Variants in DCST2 observed in about 807,000 individuals in gnomAD.
DCST2 encodes the protein DC-STAMP domain-containing protein 2.
DCST2 carries 64 observed loss-of-function variants against 81.8 expected under a neutral mutation model. That is an observed-to-expected ratio of 0.78 (90% CI 0.64 to 0.96). The LOEUF is 0.96. Among genes scored for constraint, DCST2 ranks in the 40% least tolerant of loss-of-function variants. The pLI is 0.00. For synonymous variants in DCST2, 354 were observed against 402.6 expected (o/e 0.88, Z 1.44); for missense variants, 945 against 1,001.4 (o/e 0.94, Z 0.76).
At chr1:155,029,526 AAAG>A (rs1660007969) in intron 7 of DCST2, 129 bp from the exon 8 acceptor site, 2 of 929,574 alleles carry the variant, frequency 2.2e-6, no homozygotes, top group Non-Finnish European at 3.2e-6. Context: ...ACGGAAAAGA[AAAG>A]AAGCTGTGAG....
intron 11 of DCST2, 128 bp from the exon 12 acceptor site, chr1:155,024,087 T>C (rs919710345): frequency 1.3e-5 from 18 of 1,338,524 alleles, no homozygotes; most frequent in Middle Eastern, 2.7e-4. Context: ...ATCCCTCTGA[T>C]TTCAGCAGCA....
At position 155,031,205 on chromosome 1, in the gene DCST2, AC is replaced by A. The variant is rs766280160; in HGVS notation, c.768del (p.Lys256AsnfsTer15). The A allele has an allele frequency of 3.1e-6, 5 of 1,590,458 alleles. No homozygotes were observed. The African/African-American group carries it at 6.8e-5, about 22-fold the overall frequency. On this transcript the variant is annotated frameshift_variant, in exon 5 of 15. Transcript: ENST00000368424. LOFTEE classifies it high-confidence loss of function. ...GTCTGGCGCAAGAAGGGTTGAATGT[AC>A]TTAGGGATGACGCAGAACACCTGGA... ...SLVQVFCVIP[K>X]YIQPFLRQTI...
chr1:155,024,808 T>C (rs1012732625), intron 10 of DCST2, among the ~76,000 whole-genome samples: 2 of 152,222 alleles, frequency 1.3e-5, no homozygotes, highest in Non-Finnish European at 2.9e-5. Context: ...CATAACACTT[T>C]TATTCATTCC....
chr1:155,030,416 C>T lies in DCST2; in HGVS notation c.1019+16G>A. The T allele has an allele frequency of 8.1e-6, 13 of 1,611,700 alleles. No homozygotes were observed. Among genetic ancestry groups the T allele is most frequent in the Non-Finnish European group, 1.1e-5 (13 of 1,179,034 alleles). ...CCCCGGCCCTGCATCCCCCACGCTG[C>T]CCGGCAGCCCCTCACTGGAGGTAGA... On this transcript the variant is annotated intron_variant, in intron 6 of 14. Coordinates refer to ENST00000368424, the MANE Select transcript of DCST2 (RefSeq NM_144622.3).
rs749917529 is a variant in DCST2, at chr1:155,030,086, G to T, written c.1175C>A (p.Pro392Gln). ...CTCCCTGTCCTCAGGGCCCTCACCCGGTGGGATGTAGCGCCTGGCCTCGTG... is the reference window on the plus strand; with the variant it reads ...CTCCCTGTCCTCAGGGCCCTCACCCTGTGGGATGTAGCGCCTGGCCTCGTG... ...SAHEARRYIP[P>Q]GSIFLSQWEK... The change falls in exon 7 of 15, where the codon CCG (proline) becomes CAG (glutamine). Residue 392 changes from proline to glutamine, a missense_variant and splice_region_variant. Pro to Gln is a moderately conservative substitution (Grantham distance 76, BLOSUM62 -1). Coordinates refer to ENST00000368424, the MANE Select transcript of DCST2 (RefSeq NM_144622.3). The T allele has an allele frequency of 1.8e-5, 29 of 1,613,094 alleles. No individual in the cohort carries two copies. The highest frequency in any genetic ancestry group is 2.3e-5 in the Non-Finnish European group (27 of 1,179,958).
Position 155,023,154 on chromosome 1 carries a change from C to A in DCST2, c.2068G>T (p.Gly690Cys), listed in dbSNP as rs370249543. The change falls in exon 14 of 15, where the codon GGC becomes TGC. Residue 690 changes from glycine (G) to cysteine (C), a missense_variant. Coordinates refer to ENST00000368424, the MANE Select transcript of DCST2 (RefSeq NM_144622.3). ...LLQQQLQEVL[G>C]RSLSMESTSE... ...GTGGACTCCATTGAGAGGCTCCTGC[C>A]GAGCACTTCTTGGAGCTGTTGCTGC... The A allele has an allele frequency of 6.2e-7, 1 of 1,613,848 alleles. No individual in the cohort carries two copies. Among genetic ancestry groups the A allele is most frequent in the Non-Finnish European group, 8.5e-7 (1 of 1,180,036 alleles).
intron 5 of DCST2, 26 bp downstream of exon 5, chr1:155,031,143 A>G (rs772164734): frequency 3.2e-5 from 50 of 1,582,556 alleles, no homozygotes; most frequent in Non-Finnish European, 4.0e-5. Flanking sequence ...AGGGAGCACC[A>G]TATGTGGCAG....
chr1:155,023,930 T>G lies in DCST2; in HGVS notation c.1772A>C (p.His591Pro), dbSNP rs1020967525. ...GCAGTAGGCCTGATGCAGCCAAAAGTGGCTGACAAATGGACCTAGGCAGGG... is the reference window on the plus strand; with the variant it reads ...GCAGTAGGCCTGATGCAGCCAAAAGGGGCTGACAAATGGACCTAGGCAGGG... ...RCPCLGPFVSHFWLHQAYCLG... is the reference protein window; with the variant it reads ...RCPCLGPFVSPFWLHQAYCLG... The change falls in exon 12 of 15, where the codon CAC (histidine) becomes CCC (proline). Residue 591 changes from histidine to proline, a missense_variant. Transcript: ENST00000368424. 4 of 1,613,324 alleles carry G rather than the reference T, an allele frequency of 2.5e-6. No homozygotes were observed. The highest frequency in any genetic ancestry group is 1.7e-4 in the Middle Eastern group (1 of 5,952).
chr1:155,030,887 A>C, intron 5 of DCST2: 1 of 606,578 alleles, frequency 1.6e-6, no homozygotes, highest in South Asian at 2.0e-5. Context: ...CTAAGGAATG[A>C]TCTTGATGAC....
At chr1:155,024,391 T>A (rs1019984898) in intron 11 of DCST2, 81 bp downstream of exon 11, 2 of 1,468,626 alleles carry the variant, frequency 1.4e-6, no homozygotes, top group East Asian at 2.5e-5. Flanking sequence ...GACACTTAGA[T>A]AGCACAGAAA....
chr1:155,019,284 C>T (rs2102330587), intron 14 of DCST2, among the ~76,000 whole-genome samples: 1 of 152,322 alleles, frequency 6.6e-6, no homozygotes, highest in Admixed American at 6.5e-5. Context: ...GCTGTACCAC[C>T]AGTGCTGTGG....
rs750113807 is a variant in DCST2 at position 155,030,590 on chromosome 1, G to A, written c.861C>T (p.Ala287=). The A allele has an allele frequency of 1.9e-6, 3 of 1,613,988 alleles. No individual in the cohort carries two copies. In the African/African-American group the frequency reaches 4.0e-5, roughly 22 times the overall value. ...VRQEFEFNMT[A]THHFSVDLNA... is the part of the protein sequence containing the mutation. ...TGAGATCCACAGAGAAGTGGTGGGTGGCTGTCATGTTGAACTCAAACTCCT... is the reference window on the plus strand; with the variant it reads ...TGAGATCCACAGAGAAGTGGTGGGTAGCTGTCATGTTGAACTCAAACTCCT... Residue 287 remains alanine, a synonymous_variant, in exon 6 of 15, where the codon GCC becomes GCT. Transcript: ENST00000368424.
At chr1:155,030,307 C>G (rs1660035091) in intron 6 of DCST2, 66 bp from the exon 7 acceptor site, 1 of 1,605,062 alleles carries the variant, frequency 6.2e-7, no homozygotes, top group Admixed American at 1.7e-5. Context: ...CACAGGGCAT[C>G]CGCGCTTCAA....
At chr1:155,023,569 T>C in intron 12 of DCST2, 112 bp from the exon 13 acceptor site, 2 of 1,547,296 alleles carry the variant, frequency 1.3e-6, no homozygotes, top group Non-Finnish European at 1.7e-6. Flanking sequence ...GAACCATCCT[T>C]GTCAAGGGGT....
chr1:155,029,944 G>A, intron 7 of DCST2, 140 bp downstream of exon 7: 1 of 1,299,380 alleles, frequency 7.7e-7, no homozygotes, highest in Non-Finnish European at 1.0e-6. Context: ...CTTAAGCTCT[G>A]GGTTGTGTCT....
chr1:155,023,166 G>C lies in DCST2; in HGVS notation c.2056C>G (p.Gln686Glu). The change falls in exon 14 of 15, where the codon CAA (glutamine) becomes GAA (glutamate). Residue 686 changes from glutamine to glutamate, a missense_variant. Physicochemically the swap from Gln to Glu is conservative, Grantham distance 29. Transcript: ENST00000368424. ...EQAWLLQQQL[Q>E]EVLGRSLSME... is the part of the protein sequence containing the mutation. ...GAGAGGCTCCTGCCGAGCACTTCTT[G>C]GAGCTGTTGCTGCAATAACCATGCC... The C allele has an allele frequency of 6.2e-7, 1 of 1,614,016 alleles. No individual in the cohort carries two copies. Among genetic ancestry groups the C allele is most frequent in the Non-Finnish European group, 8.5e-7 (1 of 1,180,032 alleles).
At chr1:155,026,999 C>G (rs918942429) in intron 8 of DCST2, among the ~76,000 whole-genome samples, 1 of 152,042 alleles carries the variant, frequency 6.6e-6, no homozygotes, top group African/African-American at 2.4e-5. Context: ...GTCCACCCCC[C>G]GGCCTCCATG....
chr1:155,019,266 C>T (rs1659672091), intron 14 of DCST2, among the ~76,000 whole-genome samples: 1 of 152,210 alleles, frequency 6.6e-6, no homozygotes, highest in Non-Finnish European at 1.5e-5. Context: ...CCCCTGGCTG[C>T]CATGATAGCT....
intron 14 of DCST2, among the ~76,000 whole-genome samples, chr1:155,018,981 G>A (rs1156722051): frequency 6.6e-6 from 1 of 152,182 alleles, no homozygotes; most frequent in East Asian, 1.9e-4. Context: ...GAGGCCACAT[G>A]GCTAGGAAGG....
Sources: gnomAD v4.1 joint callset for allele counts (sites outside exome capture counted in the v4.1 genomes callset) on GRCh38, gnomAD v4.1.1 for gene constraint, MANE v1.5 for transcripts, NCBI Gene and HGNC (gene_info 2026-07-23, HGNC 2026-07-21) for gene names.